Variants in CRB1 observed in about 807,000 individuals in gnomAD.
CRB1 encodes the protein protein crumbs homolog 1.
Under a neutral mutation model 120.0 loss-of-function variants are expected in CRB1, and 83 were observed. That is an observed-to-expected ratio of 0.69 (90% CI 0.58 to 0.83). The LOEUF (loss-of-function observed/expected upper bound fraction) is 0.83. CRB1 is among the 40% of genes least tolerant of loss of function. The probability of loss-of-function intolerance (pLI) is 0.00; values close to 1 mark genes in which losing one functional copy is unlikely to be tolerated. For synonymous variants in CRB1, 625 were observed against 612.5 expected, an observed-to-expected ratio of 1.02 and a Z score of -0.30; for missense variants, 1,699 against 1,687.6, an observed-to-expected ratio of 1.01 and a Z score of -0.12.
the CRB1 span, among the ~76,000 whole-genome samples, chr1:197,239,439 C>A: frequency 6.6e-6 from 1 of 151,964 alleles, no homozygotes; most frequent in African/African-American, 2.4e-5. Context: ...GCAATATATT[C>A]TTGCTTTGTG....
chr1:197,250,469 G>T, the CRB1 span, among the ~76,000 whole-genome samples: 30 of 151,780 alleles, frequency 2.0e-4, no homozygotes, highest in African/African-American at 6.0e-4. Flanking sequence ...ATTCTTTTAG[G>T]ACTCCCTTCC....
chr1:197,354,320 CACAG>C (rs1426266860), intron 4 of CRB1, among the ~76,000 whole-genome samples: 2 of 152,188 alleles, frequency 1.3e-5, no homozygotes, highest in African/African-American at 4.8e-5. Flanking sequence ...AAAACGCTTA[CACAG>C]ACAGCCATGT....
intron 10 of CRB1, 44 bp downstream of exon 10, chr1:197,438,719 G>C (rs776871407): frequency 1.2e-6 from 2 of 1,606,082 alleles, no homozygotes; most frequent in Non-Finnish European, 1.7e-6. Flanking sequence ...CTGAGCTAAA[G>C]AATGATGGGA....
the CRB1 span, among the ~76,000 whole-genome samples, chr1:197,248,807 A>G: frequency 6.6e-6 from 1 of 151,922 alleles, no homozygotes; most frequent in East Asian, 1.9e-4. Context: ...AAACTCTGAT[A>G]CAGAATTAAA....
intron 5 of CRB1, among the ~76,000 whole-genome samples, chr1:197,360,107 A>G (rs1234239871): frequency 6.6e-6 from 1 of 152,044 alleles, no homozygotes; most frequent in Non-Finnish European, 1.5e-5. Context: ...GAAAGGCAGT[A>G]TTGTGCATGT....
intron 5 of CRB1, among the ~76,000 whole-genome samples, chr1:197,371,180 T>C (rs936031889): frequency 5.9e-5 from 9 of 152,172 alleles, no homozygotes; most frequent in African/African-American, 2.2e-4. Flanking sequence ...AATTATTCCC[T>C]TGCATATACC....
At chr1:197,323,892 A>C (rs1051544474) in intron 1 of CRB1, among the ~76,000 whole-genome samples, 1 of 152,188 alleles carries the variant, frequency 6.6e-6, no homozygotes, top group Non-Finnish European at 1.5e-5. Context: ...TGAGAGAAAA[A>C]GAAACCTTTG....
At chr1:197,280,324 G>A (rs188752321) in intron 1 of CRB1, among the ~76,000 whole-genome samples, 11 of 151,924 alleles carry the variant, frequency 7.2e-5, no homozygotes, top group African/African-American at 2.2e-4. Context: ...TGAAAAGATC[G>A]TCAATCAAGC....
At chr1:197,404,079 G>C (rs571915162) in intron 5 of CRB1, among the ~76,000 whole-genome samples, 1 of 152,226 alleles carries the variant, frequency 6.6e-6, no homozygotes, top group African/African-American at 2.4e-5. Flanking sequence ...ATAAAATATA[G>C]TCCTCTGTTG....
chr1:197,224,921 A>G, the CRB1 span, among the ~76,000 whole-genome samples: 5 of 152,152 alleles, frequency 3.3e-5, no homozygotes, highest in African/African-American at 7.2e-5. Flanking sequence ...TATATATCAT[A>G]TAGTATGAAG....
At chr1:197,222,504 G>A in the CRB1 span, 1 of 768,658 alleles carries the variant, frequency 1.3e-6, no homozygotes, top group South Asian at 1.3e-5. Flanking sequence ...ATACCCTTTG[G>A]AGAATGCAGT....
chr1:197,279,591 A>G (rs1287452598), intron 1 of CRB1, among the ~76,000 whole-genome samples: 1 of 144,358 alleles, frequency 6.9e-6, no homozygotes, highest in African/African-American at 2.6e-5. Flanking sequence ...CAGGAAATGT[A>G]TGTGTTGTTT....
intron 5 of CRB1, among the ~76,000 whole-genome samples, chr1:197,372,100 G>A (rs1661400830): frequency 6.6e-6 from 1 of 152,090 alleles, no homozygotes; most frequent in African/African-American, 2.4e-5. Flanking sequence ...GATTAAATCT[G>A]TTCAATTTGC....
chr1:197,414,781 A>G (rs1663885849), intron 5 of CRB1, among the ~76,000 whole-genome samples: 2 of 152,196 alleles, frequency 1.3e-5, no homozygotes, highest in African/African-American at 4.8e-5. Context: ...CAGCTCCTCC[A>G]ATAACCAATA....
intron 11 of CRB1, among the ~76,000 whole-genome samples, chr1:197,452,784 G>A (rs945712377): frequency 3.3e-5 from 5 of 151,946 alleles, no homozygotes; most frequent in African/African-American, 1.2e-4. Context: ...ATGTAGAAAT[G>A]GTTCAGCCAC....
chr1:197,315,451 A>G (rs570710211), intron 1 of CRB1, among the ~76,000 whole-genome samples: 1 of 152,334 alleles, frequency 6.6e-6, no homozygotes, highest in African/African-American at 2.4e-5. Flanking sequence ...TCTTTCTCTC[A>G]GCTCCAAAGC....
intron 2 of CRB1, among the ~76,000 whole-genome samples, chr1:197,333,907 T>A (rs914218871): frequency 1.3e-5 from 2 of 152,194 alleles, no homozygotes; most frequent in Non-Finnish European, 2.9e-5. Flanking sequence ...TTAACATTTA[T>A]CAAGGTCAGA....
intron 11 of CRB1, among the ~76,000 whole-genome samples, chr1:197,472,532 T>A (rs1008331700): frequency 3.3e-5 from 5 of 152,202 alleles, no homozygotes; most frequent in Admixed American, 3.3e-4. Flanking sequence ...ATGTTTCATA[T>A]TTTTTCAGAG....
Position 197,422,864 on chromosome 1 carries a change from T to C in CRB1, c.2128+908T>C, listed in dbSNP as rs190076919. Reference sequence around the variant, plus strand: ...GGTAAGTAGTCTTCTCTGCTTTATATGAAGTAAAATTAAAACCAGTCTTAG... The same window carrying C: ...GGTAAGTAGTCTTCTCTGCTTTATACGAAGTAAAATTAAAACCAGTCTTAG... On this transcript the variant is annotated intron_variant, in intron 6 of 11. Transcript: ENST00000367400. The C allele has an allele frequency of 3.9e-5, 6 of 152,310 alleles. No homozygotes were observed. The East Asian group carries it at 9.6e-4, about 24-fold the overall frequency. 9.4% of individuals were successfully genotyped at this position (152,310 alleles called of 1,614,324 possible). A position where few individuals can be genotyped will look rare whatever the true frequency, so the allele number is the denominator to read the frequency against.
Sources: allele counts gnomAD v4.1 joint callset (sites outside exome capture counted in the v4.1 genomes callset), GRCh38; gene constraint gnomAD v4.1.1; transcripts MANE v1.5; gene names NCBI Gene and HGNC (gene_info 2026-07-23, HGNC 2026-07-21).